Variants in SCTR observed in about 807,000 individuals in gnomAD.
The protein encoded by SCTR is secretin receptor.
Under a neutral mutation model 60.8 loss-of-function variants are expected in SCTR, and 56 were observed. The ratio of observed to expected loss-of-function variants is 0.92; its 90% confidence interval spans 0.74 to 1.15. SCTR has a LOEUF of 1.15. Ranked by LOEUF, SCTR falls within the 50% of genes most tolerant of loss-of-function variation. The probability of loss-of-function intolerance (pLI) is 0.00; values close to 1 mark genes in which losing one functional copy is unlikely to be tolerated. For synonymous variants in SCTR, 202 were observed against 217.0 expected (o/e 0.93, Z 0.61); for missense variants, 562 against 550.4 (o/e 1.02, Z -0.21).
At chr2:119,485,908 CCT>C (rs1257535463) in intron 2 of SCTR, 1 of 152,450 alleles carries the variant, frequency 6.6e-6, no homozygotes, top group Non-Finnish European at 1.5e-5. Context: ...TATCTCTTTG[CCT>C]CTCTTGGCTC....
At position 119,469,851 on chromosome 2, in the gene SCTR, A is replaced by G. The variant is rs538913636; in HGVS notation, c.405+3602T>C. Among the ~76,000 whole-genome samples, 3 of 152,298 alleles carry G rather than the reference A, an allele frequency of 2.0e-5. No homozygotes were observed. The East Asian group carries it at 5.8e-4, about 29-fold the overall frequency. ...CACTCCTGGAGGACATGGGGCCCAG[A>G]AGCCTCACTGTTGTCTGTCCTGAAT... On this transcript the variant is annotated intron_variant, in intron 4 of 12. Transcript: ENST00000019103.
chr2:119,517,019 A>G (rs945461906), intron 1 of SCTR, among the ~76,000 whole-genome samples: 12 of 151,074 alleles, frequency 7.9e-5, no homozygotes, highest in Non-Finnish European at 1.5e-4. Context: ...GAATTTTGCC[A>G]TAAGAGTAGA....
chr2:119,454,675 A>G (rs145453153), intron 7 of SCTR, among the ~76,000 whole-genome samples: 3,114 of 152,162 alleles, frequency 0.02, 96 homozygotes, highest in African/African-American at 0.072. Flanking sequence ...CCAACATGGC[A>G]AAACCCTGTC....
At chr2:119,513,113 T>C (rs1056074654) in intron 1 of SCTR, among the ~76,000 whole-genome samples, 1 of 152,236 alleles carries the variant, frequency 6.6e-6, no homozygotes, top group Non-Finnish European at 1.5e-5. Flanking sequence ...GAGTGGACTC[T>C]CCTCAGTGTC....
intron 1 of SCTR, among the ~76,000 whole-genome samples, chr2:119,515,436 G>C (rs2104949262): frequency 6.6e-6 from 1 of 152,322 alleles, no homozygotes; most frequent in Middle Eastern, 3.4e-3. Context: ...CTATTTCTGG[G>C]TGTTTCTGGA....
rs1169280747 is a variant in SCTR, at chr2:119,473,503, G to A, written c.355C>T (p.Pro119Ser). Residue 119 changes from proline (P) to serine (S), a missense_variant, in exon 4 of 13, where the codon CCT becomes TCT. Transcript: ENST00000019103. ...QDGWSETFPR[P>S]NLACGVNVND... ...ACATTAACGCCACAGGCCAGATTAGGCCTGGGGAAGGTTTCTGACCAGCCA... is the reference window on the plus strand; with the variant it reads ...ACATTAACGCCACAGGCCAGATTAGACCTGGGGAAGGTTTCTGACCAGCCA... 7 of 1,614,058 alleles carry A rather than the reference G, an allele frequency of 4.3e-6. No individual in the cohort carries two copies. Among genetic ancestry groups the A allele is most frequent in the Middle Eastern group, 1.6e-4 (1 of 6,062 alleles).
intron 5 of SCTR, among the ~76,000 whole-genome samples, chr2:119,464,716 A>G (rs1432490301): frequency 2.0e-5 from 3 of 152,168 alleles, no homozygotes; most frequent in African/African-American, 7.2e-5. Flanking sequence ...GCAGCAGAGC[A>G]AGACTTTGTC....
intron 1 of SCTR, among the ~76,000 whole-genome samples, chr2:119,513,572 G>T (rs959098750): frequency 6.6e-6 from 1 of 152,004 alleles, no homozygotes; most frequent in Non-Finnish European, 1.5e-5. Context: ...ATGGAGTTTT[G>T]GAAATATTGC....
intron 1 of SCTR, among the ~76,000 whole-genome samples, chr2:119,506,632 C>T (rs1243609053): frequency 1.3e-5 from 2 of 152,080 alleles, no homozygotes; most frequent in East Asian, 1.9e-4. Context: ...GCATGCACTG[C>T]CATAGCCAGG....
intron 7 of SCTR, among the ~76,000 whole-genome samples, chr2:119,458,777 A>G (rs1683482200): frequency 1.3e-5 from 2 of 152,182 alleles, no homozygotes; most frequent in Admixed American, 1.3e-4. Flanking sequence ...CAGCATGAGC[A>G]ACACCTGGGA....
chr2:119,496,049 C>T (rs1052291045), intron 1 of SCTR, among the ~76,000 whole-genome samples: 4 of 152,180 alleles, frequency 2.6e-5, no homozygotes, highest in Admixed American at 1.3e-4. Context: ...ACACAGCTCA[C>T]GCACTCCTGC....
chr2:119,490,099 C>T (rs985601907), intron 2 of SCTR, among the ~76,000 whole-genome samples: 4 of 152,122 alleles, frequency 2.6e-5, no homozygotes, highest in African/African-American at 9.7e-5. Context: ...ACGCAGTTTC[C>T]GGGGGTAGCA....
At chr2:119,496,576 G>A (rs1678355752) in intron 1 of SCTR, among the ~76,000 whole-genome samples, 1 of 152,180 alleles carries the variant, frequency 6.6e-6, no homozygotes, top group Admixed American at 6.5e-5. Context: ...AAAAGTGGAA[G>A]AAGAAGACAG....
intron 2 of SCTR, among the ~76,000 whole-genome samples, chr2:119,489,411 G>A (rs1307497996): frequency 6.6e-6 from 1 of 152,094 alleles, no homozygotes; most frequent in Non-Finnish European, 1.5e-5. Context: ...CAGTAAGTCA[G>A]TCAACAAACA....
At chr2:119,459,816 G>C (rs889529383) in intron 7 of SCTR, among the ~76,000 whole-genome samples, 4 of 152,188 alleles carry the variant, frequency 2.6e-5, no homozygotes, top group Non-Finnish European at 5.9e-5. Flanking sequence ...CTCAAAGAAT[G>C]TTGAATAAAT....
intron 11 of SCTR, among the ~76,000 whole-genome samples, chr2:119,444,226 CATATACAT>C (rs1173799097): frequency 1.6e-5 from 2 of 122,240 alleles, no homozygotes; most frequent in Non-Finnish European, 3.6e-5. Flanking sequence ...AATATATACA[CATATACAT>C]ATGAATATAT....
At chr2:119,458,582 C>G (rs1165063096) in intron 7 of SCTR, among the ~76,000 whole-genome samples, 1 of 147,424 alleles carries the variant, frequency 6.8e-6, no homozygotes, top group Non-Finnish European at 1.5e-5. Context: ...GCCTGGGCAA[C>G]AGGGCAAGAC....
intron 2 of SCTR, chr2:119,479,137 A>G: frequency 1.5e-6 from 2 of 1,303,410 alleles, no homozygotes; most frequent in South Asian, 5.0e-5. Flanking sequence ...TGAAGATAGA[A>G]GGAAGTAAGA....
At chr2:119,473,392 G>T (rs1677107965) in intron 4 of SCTR, 61 bp downstream of exon 4, 4 of 1,194,458 alleles carry the variant, frequency 3.3e-6, no homozygotes, top group Non-Finnish European at 5.0e-6. Flanking sequence ...CCTCTCCCAG[G>T]GCCTCCTCAC....
Sources: allele counts gnomAD v4.1 joint callset (sites outside exome capture counted in the v4.1 genomes callset), GRCh38; gene constraint gnomAD v4.1.1; transcripts MANE v1.5; gene names NCBI Gene and HGNC (gene_info 2026-07-23, HGNC 2026-07-21).